Variants in CD109 observed in about 807,000 individuals in gnomAD.
CD109 encodes the protein CD109 molecule, also known as CD109 antigen.
Under a neutral mutation model 165.8 loss-of-function variants are expected in CD109, and 149 were observed. The ratio of observed to expected loss-of-function variants is 0.90; its 90% CI spans 0.79 to 1.03. The LOEUF is 1.03. Ranked by LOEUF, CD109 falls within the 50% of genes least tolerant of loss-of-function variation. The pLI is 0.00. For synonymous variants in CD109, 585 were observed against 592.1 expected (o/e 0.99, Z 0.18); for missense variants, 1,712 against 1,677.8 (o/e 1.02, Z -0.36).
At chr6:73,781,077 ATG>A (rs1409076642) in intron 16 of CD109, among the ~76,000 whole-genome samples, 180 bp from the exon 17 acceptor site, 1 of 150,110 alleles carries the variant, frequency 6.7e-6, no homozygotes, top group Non-Finnish European at 1.5e-5. Context: ...AGAAAGGTTG[ATG>A]TGTGTGTGCG....
chr6:73,702,998 A>G (rs991106544), intron 2 of CD109, among the ~76,000 whole-genome samples: 5 of 152,234 alleles, frequency 3.3e-5, no homozygotes, highest in Admixed American at 6.5e-5. Context: ...CAGTTTCCTC[A>G]TAGTGCCAAG....
chr6:73,813,722 C>A (rs17828809), intron 29 of CD109, among the ~76,000 whole-genome samples: 1 of 152,182 alleles, frequency 6.6e-6, no homozygotes, highest in South Asian at 2.1e-4. Context: ...ACTGCAAGAT[C>A]TTTTGAAGTT....
intron 2 of CD109, among the ~76,000 whole-genome samples, chr6:73,720,075 A>G (rs930588065): frequency 1.3e-5 from 2 of 152,212 alleles, no homozygotes; most frequent in Non-Finnish European, 2.9e-5. Flanking sequence ...CCCAATATCT[A>G]AGATATGGAA....
chr6:73,692,362 C>A (rs1227018009), upstream of CD109, among the ~76,000 whole-genome samples: 1 of 152,024 alleles, frequency 6.6e-6, no homozygotes, highest in Non-Finnish European at 1.5e-5. Context: ...TTCTAAGATG[C>A]CCCCTCAAAA....
At chr6:73,722,428 A>G (rs1033328580) in intron 2 of CD109, among the ~76,000 whole-genome samples, 2 of 152,258 alleles carry the variant, frequency 1.3e-5, no homozygotes, top group Admixed American at 6.5e-5. Flanking sequence ...CAAATTCTTG[A>G]TGTGGTCTGA....
chr6:73,683,433 A>G, the CD109 span, among the ~76,000 whole-genome samples: 2 of 152,096 alleles, frequency 1.3e-5, no homozygotes, highest in African/African-American at 4.8e-5. Flanking sequence ...CTCAGCCTGG[A>G]TTTCATTGTG....
chr6:73,702,774 G>A (rs1771129537), intron 2 of CD109, among the ~76,000 whole-genome samples: 1 of 152,114 alleles, frequency 6.6e-6, no homozygotes, highest in African/African-American at 2.4e-5. Context: ...ACAATTATAT[G>A]GATATTGTGA....
intron 23 of CD109, among the ~76,000 whole-genome samples, chr6:73,794,536 A>G (rs1775088785): frequency 6.6e-6 from 1 of 152,180 alleles, no homozygotes; most frequent in Non-Finnish European, 1.5e-5. Context: ...GTTTAAGTAG[A>G]TGAGCTGGAG....
the CD109 span, among the ~76,000 whole-genome samples, chr6:73,679,931 G>A: frequency 2.6e-5 from 4 of 152,142 alleles, no homozygotes; most frequent in Non-Finnish European, 4.4e-5. Flanking sequence ...GACTACACCC[G>A]GGTATAGATG....
intron 2 of CD109, among the ~76,000 whole-genome samples, chr6:73,717,658 C>T (rs1342758605): frequency 2.6e-5 from 3 of 116,454 alleles, no homozygotes; most frequent in Non-Finnish European, 4.9e-5. Context: ...CTCGCTCTGT[C>T]ACCCAGGCTG....
In CD109 at chr6:73,757,591, G is replaced by A. The variant is rs950454228; in HGVS notation, c.673+909G>A. Among the ~76,000 whole-genome samples the A allele has an allele frequency of 5.9e-5, 9 of 152,020 alleles. 1 individual carries two copies. In the East Asian group the frequency reaches 1.5e-3, roughly 26 times the overall value. On this transcript the variant is annotated intron_variant, in intron 6 of 32. Transcript: ENST00000287097. ...CTGTAACTGTGCTCTCCAGTAGCGG[G>A]GCCACTTGCCATGTGTGGCTGTTGA... is the stretch of plus-strand genomic sequence containing the variant.
intron 1 of CD109, 52 bp downstream of exon 1, chr6:73,696,341 C>T (rs1239058027): frequency 1.5e-6 from 2 of 1,351,396 alleles, no homozygotes; most frequent in Non-Finnish European, 1.9e-6. Context: ...CTGGGCCGCT[C>T]TGCGGCTCTG....
chr6:73,812,899 G>A (rs1362293932), intron 29 of CD109, among the ~76,000 whole-genome samples: 4 of 152,046 alleles, frequency 2.6e-5, no homozygotes, highest in African/African-American at 9.7e-5. Flanking sequence ...ACCAAAAATG[G>A]TTGTGTGCTT....
rs1562066803 is a variant in CD109 at position 73,785,400 on chromosome 6, C to T, written c.2260C>T (p.Leu754Phe). ...AFQPFFIFLN[L>F]PYSVIRGEEF... Reference sequence around the variant, plus strand: ...CCAACCATTTTTCATTTTTTTGAATCTTCCCTACTCTGTTATCAGAGGTGA... The same window carrying T: ...CCAACCATTTTTCATTTTTTTGAATTTTCCCTACTCTGTTATCAGAGGTGA... The change falls in exon 20 of 33, where the codon CTT (leucine) becomes TTT (phenylalanine). Residue 754 changes from leucine to phenylalanine, a missense_variant. Transcript: ENST00000287097. 1.2e-6 allele frequency: 2 copies of T among 1,606,520 alleles called. No individual in the cohort carries two copies. The highest frequency in any genetic ancestry group is 8.5e-7 in the Non-Finnish European group (1 of 1,176,654).
chr6:73,717,841 G>C (rs546059864), intron 2 of CD109, among the ~76,000 whole-genome samples: 1 of 151,416 alleles, frequency 6.6e-6, no homozygotes, highest in African/African-American at 2.4e-5. Context: ...GGACGGTCTC[G>C]ATCTCCTGAC....
chr6:73,698,583 C>T (rs931052920), intron 2 of CD109, among the ~76,000 whole-genome samples: 6 of 152,120 alleles, frequency 3.9e-5, no homozygotes, highest in Non-Finnish European at 8.8e-5. Flanking sequence ...TGTTTATTCT[C>T]TACAAGCGTA....
chr6:73,748,167 C>T (rs1422231908), intron 5 of CD109, among the ~76,000 whole-genome samples: 1 of 152,158 alleles, frequency 6.6e-6, no homozygotes, highest in Non-Finnish European at 1.5e-5. Flanking sequence ...ATTTCCACCT[C>T]TCCCTCCTTT....
chr6:73,751,577 A>G (rs896025340), intron 5 of CD109, among the ~76,000 whole-genome samples: 1 of 151,946 alleles, frequency 6.6e-6, no homozygotes, highest in Non-Finnish European at 1.5e-5. Flanking sequence ...GATGCAGACC[A>G]CTCCTAGCAT....
intron 2 of CD109, among the ~76,000 whole-genome samples, chr6:73,719,503 A>G (rs1771866714): frequency 6.6e-6 from 1 of 152,196 alleles, no homozygotes; most frequent in African/African-American, 2.4e-5. Flanking sequence ...TCAGTCATAT[A>G]TTTAATTGTA....
Sources: gnomAD v4.1 joint callset for allele counts (sites outside exome capture counted in the v4.1 genomes callset) on GRCh38, gnomAD v4.1.1 for gene constraint, MANE v1.5 for transcripts, NCBI Gene and HGNC (gene_info 2026-07-23, HGNC 2026-07-21) for gene names.